STIM2: variants seen among roughly 807,000 people sequenced by gnomAD.
The protein encoded by STIM2 is stromal interaction molecule 2.
STIM2 carries 31 observed loss-of-function variants against 85.8 expected under a neutral mutation model. The observed-to-expected ratio is 0.36, with a 90% CI of 0.27 to 0.49. STIM2 has a LOEUF of 0.49. Ranked by LOEUF, STIM2 falls within the 20% of genes least tolerant of loss-of-function variation. The probability of loss-of-function intolerance (pLI) is 0.98; values close to 1 mark genes in which losing one functional copy is unlikely to be tolerated. For synonymous variants in STIM2, 356 were observed against 331.1 expected (o/e 1.08, Z -0.82); for missense variants, 841 against 927.6 (o/e 0.91, Z 1.21).
At chr4:26,947,665 A>G (rs1190179857) in intron 2 of STIM2, among the ~76,000 whole-genome samples, 2 of 152,202 alleles carry the variant, frequency 1.3e-5, no homozygotes, top group African/African-American at 2.4e-5. Context: ...CCTGCTCGCC[A>G]GCCCTAGACC....
chr4:26,965,106 A>G (rs539283477), intron 3 of STIM2, among the ~76,000 whole-genome samples: 1 of 152,266 alleles, frequency 6.6e-6, no homozygotes, highest in South Asian at 2.1e-4. Context: ...CTTTAGGGGA[A>G]GCTCTTATTA....
rs545505179 is a variant in STIM2, at chr4:27,018,279, C to T, written c.1763+295C>T. The stretch of plus-strand genomic sequence containing the variant: ...GTTCTCAAAGTTCATGTGGTTGTGG[C>T]GAACTTCATTTCCTGTGGCTCCAGG... On this transcript the variant is annotated intron_variant, in intron 11 of 11. Coordinates refer to ENST00000467087, the MANE Select transcript of STIM2 (RefSeq NM_020860.4). Among the ~76,000 whole-genome samples the T allele has an allele frequency of 1.8e-4, 28 of 152,240 alleles. No homozygotes were observed. In the East Asian group the frequency reaches 3.3e-3, roughly 18 times the overall value.
chr4:26,959,258 CTG>C (rs1309845014), intron 3 of STIM2, among the ~76,000 whole-genome samples: 1 of 152,168 alleles, frequency 6.6e-6, no homozygotes, highest in East Asian at 1.9e-4. Context: ...CTCTCGCTCA[CTG>C]TGCTCCATTC....
chr4:27,006,593 A>G (rs1360830676), intron 7 of STIM2, among the ~76,000 whole-genome samples: 1 of 152,210 alleles, frequency 6.6e-6, no homozygotes, highest in Non-Finnish European at 1.5e-5. Flanking sequence ...GTTTTTAAGT[A>G]AATCATTCCA....
chr4:26,996,935 A>G (rs984877858), intron 4 of STIM2, among the ~76,000 whole-genome samples: 1 of 152,170 alleles, frequency 6.6e-6, no homozygotes, highest in Non-Finnish European at 1.5e-5. Flanking sequence ...TTAAGTAAAG[A>G]TGATCAGAGA....
Position 27,017,784 on chromosome 4 carries a change from G to C in STIM2, c.1563G>C (p.Pro521=). Residue 521 remains proline (P), a synonymous_variant, in exon 11 of 12, where the codon CCG becomes CCC. Coordinates refer to ENST00000467087, the MANE Select transcript of STIM2 (RefSeq NM_020860.4). ...GCCGTTCACGCCGCAGCATTGTGCC[G>C]TCCTCGCCTCAGCCTCAGCGAGCTC... 6.2e-7 allele frequency: 1 copy of C among 1,613,974 alleles called. No homozygotes were observed. Among genetic ancestry groups the C allele is most frequent in the Non-Finnish European group, 8.5e-7 (1 of 1,180,006 alleles).
In STIM2 at chr4:27,013,645, A is replaced by AG. The variant is rs146509100; in HGVS notation, c.1490-4064dup. Among the ~76,000 whole-genome samples the AG allele has an allele frequency of 3.8e-3, 583 of 152,116 alleles. 6 individuals are homozygous for AG. The highest frequency in any genetic ancestry group is 0.014 in the African/African-American group (565 of 41,552). On this transcript the variant is annotated intron_variant, in intron 10 of 11. Transcript: ENST00000467087. ...CCTTTTACTCAGGACACTGAGTGGG[A>AG]GGCACTCTCCTGAGTTTCAGCTTCC...
At chr4:26,929,629 A>C (rs1725127881) in intron 2 of STIM2, among the ~76,000 whole-genome samples, 1 of 151,034 alleles carries the variant, frequency 6.6e-6, no homozygotes, top group South Asian at 2.1e-4. Flanking sequence ...TTAAAAACTT[A>C]TTTTTTTTTC....
At chr4:27,018,124 T>C in intron 11 of STIM2, 140 bp downstream of exon 11, 2 of 1,256,280 alleles carry the variant, frequency 1.6e-6, no homozygotes, top group Non-Finnish European at 1.1e-6. Context: ...GCCTCAGACA[T>C]CACCCATTTT....
At chr4:26,997,917 T>C (rs1041088710) in intron 4 of STIM2, among the ~76,000 whole-genome samples, 3 of 152,216 alleles carry the variant, frequency 2.0e-5, no homozygotes, top group African/African-American at 4.8e-5. Flanking sequence ...TTTCCATACT[T>C]AGAGAGTACT....
chr4:26,867,285 A>G (rs1217244432), intron 1 of STIM2, among the ~76,000 whole-genome samples: 1 of 152,192 alleles, frequency 6.6e-6, no homozygotes, highest in Non-Finnish European at 1.5e-5. Context: ...GAAACACACT[A>G]TTTGTGATAG....
At chr4:26,902,426 A>G (rs1344906088) in intron 1 of STIM2, among the ~76,000 whole-genome samples, 1 of 152,188 alleles carries the variant, frequency 6.6e-6, no homozygotes, top group African/African-American at 2.4e-5. Flanking sequence ...CTAAGTGTTA[A>G]GAGTATAGCT....
intron 11 of STIM2, chr4:27,021,160 A>G (rs1728896811): frequency 1.7e-6 from 2 of 1,194,800 alleles, no homozygotes; most frequent in Non-Finnish European, 1.2e-6. Context: ...ACACATTTTT[A>G]TGAAGTACCT....
intron 4 of STIM2, 90 bp downstream of exon 4, chr4:26,995,580 C>T (rs1452546937): frequency 3.1e-5 from 20 of 646,384 alleles, no homozygotes; most frequent in South Asian, 1.9e-4. Context: ...AAGTTACTTC[C>T]GTGGCTGAGG....
Position 26,873,782 on chromosome 4 carries a change from G to C in STIM2, c.151+12413G>C. On this transcript the variant is annotated intron_variant, in intron 1 of 11. Coordinates refer to ENST00000467087, the MANE Select transcript of STIM2 (RefSeq NM_020860.4). ...TCAGACTCACTGGGAGAGCAGAGGG[G>C]CTCTGTCAAGGGGTAAGGGGCTCTA... 3.5e-6 allele frequency: 3 copies of C among 856,552 alleles called. No individual in the cohort carries two copies. In the Admixed American group the frequency reaches 5.3e-5, roughly 15 times the overall value. The allele number at this position is 856,552 out of a possible 1,614,324, so 53.1% of individuals were successfully genotyped here.
chr4:26,952,942 G>A (rs1221053582), intron 2 of STIM2, among the ~76,000 whole-genome samples: 1 of 152,048 alleles, frequency 6.6e-6, no homozygotes, highest in African/African-American at 2.4e-5. Flanking sequence ...GGGAATAATA[G>A]TAGTACTTTT....
At chr4:27,005,963 G>C (rs1728318711) in intron 7 of STIM2, among the ~76,000 whole-genome samples, 1 of 152,160 alleles carries the variant, frequency 6.6e-6, no homozygotes, top group Non-Finnish European at 1.5e-5. Context: ...AAAATCTTCT[G>C]AGAAGAAGGG....
At chr4:26,987,943 A>G (rs1727639363) in intron 3 of STIM2, among the ~76,000 whole-genome samples, 1 of 152,250 alleles carries the variant, frequency 6.6e-6, no homozygotes, top group Non-Finnish European at 1.5e-5. Context: ...TTACAGTCAG[A>G]AGGTTAGAGT....
At chr4:26,961,637 G>A (rs781739982) in intron 3 of STIM2, among the ~76,000 whole-genome samples, 1 of 152,168 alleles carries the variant, frequency 6.6e-6, no homozygotes, top group Admixed American at 6.5e-5. Flanking sequence ...TAAGTTTAGG[G>A]TATGGAGGTA....
Sources: gnomAD v4.1 joint callset for allele counts (sites outside exome capture counted in the v4.1 genomes callset) on GRCh38, gnomAD v4.1.1 for gene constraint, MANE v1.5 for transcripts, NCBI Gene and HGNC (gene_info 2026-07-23, HGNC 2026-07-21) for gene names.